Variants in PPP2R2B observed in about 807,000 individuals in gnomAD.
PPP2R2B encodes serine/threonine-protein phosphatase 2A 55 kDa regulatory subunit B beta isoform.
Under a neutral mutation model 46.0 loss-of-function variants are expected in PPP2R2B, and 5 were observed. The observed-to-expected ratio is 0.11, with a 90% CI of 0.06 to 0.23. PPP2R2B has a LOEUF of 0.23. PPP2R2B is among the 10% of genes least tolerant of loss of function. The pLI is 1.00. For missense variants in PPP2R2B, 367 were observed against 575.0 expected, an observed-to-expected ratio of 0.64 and a Z score of 3.70; for synonymous variants, 215 against 206.7, an observed-to-expected ratio of 1.04 and a Z score of -0.34.
chr5:146,812,801 A>ATG (rs1554140164), intron 2 of PPP2R2B, among the ~76,000 whole-genome samples: 3 of 51,184 alleles, frequency 5.9e-5, no homozygotes, highest in African/African-American at 2.4e-4. Context: ...GTGTATATAT[A>ATG]TATATATATA....
intron 5 of PPP2R2B, among the ~76,000 whole-genome samples, chr5:146,655,199 A>C (rs458909): frequency 0.99 from 150,665 of 152,306 alleles, 74,522 homozygotes; most frequent in East Asian, 1. Context: ...ACATCCCAGC[A>C]CTGTGTCTTG....
At chr5:146,765,593 T>C (rs565081740) in intron 2 of PPP2R2B, among the ~76,000 whole-genome samples, 1 of 152,362 alleles carries the variant, frequency 6.6e-6, no homozygotes, top group South Asian at 2.1e-4. Context: ...CTGTGCGCAA[T>C]GTGAAATAAT....
At chr5:146,590,340 A>G in intron 9 of PPP2R2B, 114 bp from the exon 10 acceptor site, 1 of 1,124,010 alleles carries the variant, frequency 8.9e-7, no homozygotes, top group Non-Finnish European at 1.2e-6. Context: ...AAAAACAAAA[A>G]CCAAAAAATG....
At chr5:146,852,915 G>T (rs1317883174) in intron 2 of PPP2R2B, among the ~76,000 whole-genome samples, 1 of 152,112 alleles carries the variant, frequency 6.6e-6, no homozygotes, top group African/African-American at 2.4e-5. Flanking sequence ...ATTTTTAAAA[G>T]TGCAATTAGA....
At chr5:146,884,082 A>G (rs1236105828) in intron 1 of PPP2R2B, among the ~76,000 whole-genome samples, 1 of 147,074 alleles carries the variant, frequency 6.8e-6, no homozygotes, top group Non-Finnish European at 1.5e-5. Flanking sequence ...CACTATGTAA[A>G]TTCAGGGTTT....
chr5:147,037,433 T>C (rs189234383), intron 1 of PPP2R2B, among the ~76,000 whole-genome samples: 4 of 152,078 alleles, frequency 2.6e-5, no homozygotes, highest in African/African-American at 9.6e-5. Context: ...CATATATGTA[T>C]ATGTATATAT....
chr5:146,638,586 A>C (rs1774980592), intron 6 of PPP2R2B, among the ~76,000 whole-genome samples, 171 bp from the exon 7 acceptor site: 1 of 152,318 alleles, frequency 6.6e-6, no homozygotes, highest in Middle Eastern at 3.4e-3. Context: ...AGGAACTTTA[A>C]GAAAATAGCC....
At chr5:146,971,493 T>C (rs980380133) in intron 1 of PPP2R2B, among the ~76,000 whole-genome samples, 3 of 152,250 alleles carry the variant, frequency 2.0e-5, no homozygotes, top group Non-Finnish European at 2.9e-5. Flanking sequence ...CCACAATTCA[T>C]TAAGTCCCTA....
At chr5:146,716,228 G>A (rs1271731333) in intron 2 of PPP2R2B, among the ~76,000 whole-genome samples, 1 of 152,060 alleles carries the variant, frequency 6.6e-6, no homozygotes, top group Non-Finnish European at 1.5e-5. Flanking sequence ...ATTCCATGAA[G>A]CTTTTCTAAG....
intron 2 of PPP2R2B, among the ~76,000 whole-genome samples, chr5:146,772,479 T>C (rs888963029): frequency 4.7e-5 from 7 of 149,830 alleles, no homozygotes; most frequent in African/African-American, 1.7e-4. Context: ...ACCCACCAAA[T>C]TGTTCATGGT....
chr5:146,834,808 T>C lies in PPP2R2B; in HGVS notation c.70+43194A>G, dbSNP rs543484295. On this transcript the variant is annotated intron_variant, in intron 2 of 9. Coordinates refer to ENST00000394411, the MANE Select transcript of PPP2R2B (RefSeq NM_181675.4). ...CCCTTCAAGCAGTCCTCAGTGTCTA[T>C]TTTTCCCCTCTTTTGTTTCCATGAG... Among the ~76,000 whole-genome samples the C allele has an allele frequency of 3.9e-5, 6 of 152,284 alleles. No individual in the cohort carries two copies. In the South Asian group the frequency reaches 1.2e-3, roughly 32 times the overall value.
chr5:147,041,192 G>A (rs1756277577), intron 1 of PPP2R2B, among the ~76,000 whole-genome samples: 1 of 152,132 alleles, frequency 6.6e-6, no homozygotes, highest in Non-Finnish European at 1.5e-5. Context: ...TGGTGGGCAG[G>A]ATCTAAAAAG....
intron 1 of PPP2R2B, among the ~76,000 whole-genome samples, chr5:146,992,832 G>A (rs1267989421): frequency 1.3e-5 from 2 of 152,336 alleles, no homozygotes; most frequent in Non-Finnish European, 2.9e-5. Context: ...GCCTTGGCTG[G>A]CATGGGGGCT....
intron 1 of PPP2R2B, among the ~76,000 whole-genome samples, chr5:146,955,828 G>C (rs1192679968): frequency 6.8e-6 from 1 of 148,050 alleles, no homozygotes; most frequent in South Asian, 2.2e-4. Flanking sequence ...ACCCAGGCAG[G>C]AGTGCAGTGG....
At chr5:146,592,784 C>T (rs1370035967) in intron 9 of PPP2R2B, among the ~76,000 whole-genome samples, 187 bp downstream of exon 9, 1 of 152,174 alleles carries the variant, frequency 6.6e-6, no homozygotes, top group Non-Finnish European at 1.5e-5. Flanking sequence ...ATTCAAAGGC[C>T]TTACTACATC....
chr5:146,822,221 T>C lies in PPP2R2B; in HGVS notation c.70+55781A>G, dbSNP rs141000656. ...TCAATTTAGAGCAGAGCCTTGCAAATGAGGATGAACATTTGAAAGAGCGAT... is the reference window on the plus strand; with the variant it reads ...TCAATTTAGAGCAGAGCCTTGCAAACGAGGATGAACATTTGAAAGAGCGAT... On this transcript the variant is annotated intron_variant, in intron 2 of 9. Coordinates refer to ENST00000394411, the MANE Select transcript of PPP2R2B (RefSeq NM_181675.4). 5.0e-4 allele frequency among the ~76,000 whole-genome samples: 76 copies of C among 152,340 alleles called. 1 individual carries two copies. In the East Asian group the frequency reaches 0.014, roughly 28 times the overall value.
rs1581638564 is a variant in PPP2R2B, at chr5:146,582,110, C to T, written c.*7837G>A. 1 of 152,332 alleles carries T rather than the reference C, an allele frequency of 6.6e-6. No homozygotes were observed. Among genetic ancestry groups the T allele is most frequent in the East Asian group, 1.9e-4 (1 of 5,186 alleles). 9.4% of individuals were successfully genotyped at this position (152,332 alleles called of 1,614,324 possible). Reference sequence around the variant, plus strand: ...AGGCAAATGAAAATGCCAATCTTCTCCCATCCCTGTCTTGCTGTATTAGGC... The same window carrying T: ...AGGCAAATGAAAATGCCAATCTTCTTCCATCCCTGTCTTGCTGTATTAGGC... On this transcript the variant is annotated 3_prime_UTR_variant, in exon 10 of 10. Coordinates refer to ENST00000394411, the MANE Select transcript of PPP2R2B (RefSeq NM_181675.4).
chr5:146,751,832 C>CA (rs1301151135), intron 2 of PPP2R2B, among the ~76,000 whole-genome samples: 1 of 152,104 alleles, frequency 6.6e-6, no homozygotes, highest in Admixed American at 6.5e-5. Flanking sequence ...TGATGGAGCA[C>CA]AACACAAAAG....
intron 1 of PPP2R2B, among the ~76,000 whole-genome samples, chr5:146,950,890 T>C (rs1294814273): frequency 6.6e-6 from 1 of 152,008 alleles, no homozygotes; most frequent in Admixed American, 6.6e-5. Flanking sequence ...ATAAGAAATA[T>C]TTAATTCTTA....
Sources: gnomAD v4.1 joint callset for allele counts (sites outside exome capture counted in the v4.1 genomes callset) on GRCh38, gnomAD v4.1.1 for gene constraint, MANE v1.5 for transcripts, NCBI Gene and HGNC (gene_info 2026-07-23, HGNC 2026-07-21) for gene names.